TLE1: variants seen among roughly 807,000 people sequenced by gnomAD.
TLE1 encodes the protein TLE family member 1, transcriptional corepressor, also known as transducin-like enhancer protein 1.
TLE1 carries 21 observed loss-of-function variants against 89.8 expected under a neutral mutation model. The ratio of observed to expected loss-of-function variants is 0.23; its 90% CI spans 0.17 to 0.34. TLE1 has a LOEUF of 0.34. Among genes scored for constraint, TLE1 ranks in the 10% least tolerant of loss-of-function variants. The pLI, the probability that TLE1 is intolerant of heterozygous loss-of-function variation, is 1.00. For missense variants in TLE1, 795 were observed against 1,031.2 expected, an observed-to-expected ratio of 0.77 and a Z score of 3.14; for synonymous variants, 447 against 407.6, an observed-to-expected ratio of 1.10 and a Z score of -1.16.
chr9:81,611,877 G>C lies in TLE1; in HGVS notation c.1146C>G (p.Gly382=). The part of the protein sequence containing the change: ...FGMVPHAGMN[G]ELTSPGAAYA... ...AGGCAGCGCCTGGGCTGGTCAGCTCGCCGTTCATGCCAGCGTGGGGGACCA... is the reference window on the plus strand; with the variant it reads ...AGGCAGCGCCTGGGCTGGTCAGCTCCCCGTTCATGCCAGCGTGGGGGACCA... Residue 382 remains glycine, a synonymous_variant, in exon 13 of 20, where the codon GGC becomes GGG. Transcript: ENST00000376499. 1 of 1,550,534 alleles carries C rather than the reference G, an allele frequency of 6.4e-7. No homozygotes were observed. The highest frequency in any genetic ancestry group is 8.7e-7 in the Non-Finnish European group (1 of 1,151,562).
chr9:81,687,856 C>G (rs1267850135), intron 1 of TLE1, among the ~76,000 whole-genome samples: 1 of 152,158 alleles, frequency 6.6e-6, no homozygotes, highest in East Asian at 2.0e-4. Context: ...TCCAGACGCA[C>G]CGGAACCGGG....
At chr9:81,671,384 T>G (rs1280996296) in intron 4 of TLE1, among the ~76,000 whole-genome samples, 2 of 151,928 alleles carry the variant, frequency 1.3e-5, no homozygotes, top group Non-Finnish European at 2.9e-5. Context: ...TGGTGGCTCA[T>G]ACCTGTAATC....
chr9:81,597,128 A>G (rs768369088), intron 14 of TLE1, among the ~76,000 whole-genome samples: 2 of 152,118 alleles, frequency 1.3e-5, no homozygotes, highest in African/African-American at 4.8e-5. Context: ...CTGTTTCGTG[A>G]TCCATAAGAT....
chr9:81,602,201 G>A (rs1339860811), intron 14 of TLE1, among the ~76,000 whole-genome samples: 1 of 152,160 alleles, frequency 6.6e-6, no homozygotes, highest in East Asian at 1.9e-4. Context: ...TCAGGGAACA[G>A]AGGCTCATCC....
At chr9:81,681,541 T>G (rs1833630105) in intron 4 of TLE1, among the ~76,000 whole-genome samples, 1 of 147,820 alleles carries the variant, frequency 6.8e-6, no homozygotes, top group African/African-American at 2.5e-5. Context: ...CGGAACGAGA[T>G]TCCGTCGCGC....
chr9:81,648,385 T>C (rs537982466), intron 6 of TLE1, among the ~76,000 whole-genome samples: 2 of 151,304 alleles, frequency 1.3e-5, no homozygotes, highest in African/African-American at 4.9e-5. Flanking sequence ...GTAAGAATAA[T>C]GGAATTCACT....
At chr9:81,683,737 T>C (rs1213594360) in intron 4 of TLE1, among the ~76,000 whole-genome samples, 1 of 152,170 alleles carries the variant, frequency 6.6e-6, no homozygotes, top group African/African-American at 2.4e-5. Flanking sequence ...CTCTCAGCTT[T>C]TCACGTTTTT....
intron 11 of TLE1, among the ~76,000 whole-genome samples, chr9:81,615,699 T>G (rs1239587695): frequency 7.7e-6 from 1 of 129,160 alleles, no homozygotes; most frequent in Admixed American, 8.8e-5. Flanking sequence ...GATGATGGAG[T>G]GAGACTCCGT....
chr9:81,631,828 C>T (rs183013490), intron 8 of TLE1, among the ~76,000 whole-genome samples: 1 of 152,348 alleles, frequency 6.6e-6, no homozygotes. Context: ...TCTCACCGGG[C>T]ATGGTGGCTC....
chr9:81,630,933 T>C (rs906016272), intron 8 of TLE1, among the ~76,000 whole-genome samples: 1 of 152,244 alleles, frequency 6.6e-6, no homozygotes, highest in Non-Finnish European at 1.5e-5. Flanking sequence ...CTGAATTAAA[T>C]GCTTAGGTTA....
intron 2 of TLE1, among the ~76,000 whole-genome samples, chr9:81,687,031 G>A (rs539509606): frequency 1.5e-4 from 23 of 152,276 alleles, no homozygotes; most frequent in African/African-American, 7.2e-5. Flanking sequence ...TCAGTCTGCT[G>A]AAAAATAAAT....
chr9:81,638,904 C>T (rs1238153964), intron 6 of TLE1, among the ~76,000 whole-genome samples: 2 of 151,440 alleles, frequency 1.3e-5, no homozygotes, highest in Non-Finnish European at 2.9e-5. Context: ...AGATTACAAG[C>T]GTGCGCCACC....
intron 14 of TLE1, among the ~76,000 whole-genome samples, chr9:81,593,883 C>A (rs1252349065): frequency 1.3e-5 from 2 of 152,134 alleles, no homozygotes; most frequent in Non-Finnish European, 2.9e-5. Flanking sequence ...ATCTTCCTTG[C>A]CTACCTTGGT....
chr9:81,680,167 T>C (rs1418167101), intron 4 of TLE1, among the ~76,000 whole-genome samples: 2 of 152,148 alleles, frequency 1.3e-5, no homozygotes, highest in Admixed American at 6.6e-5. Flanking sequence ...TAACCCTCAT[T>C]ATACAGAGAG....
intron 14 of TLE1, among the ~76,000 whole-genome samples, chr9:81,609,031 AAAC>A (rs1172563282): frequency 3.9e-5 from 6 of 152,086 alleles, no homozygotes; most frequent in East Asian, 1.9e-4. Context: ...AAAAGAAAAA[AAAC>A]AACATTTGCA....
intron 14 of TLE1, among the ~76,000 whole-genome samples, chr9:81,608,430 C>T (rs922443754): frequency 1.3e-5 from 2 of 152,142 alleles, no homozygotes; most frequent in African/African-American, 4.8e-5. Flanking sequence ...AGGAGGATGG[C>T]TGGAGCCTAG....
At chr9:81,639,655 T>C (rs2132444203) in intron 6 of TLE1, among the ~76,000 whole-genome samples, 1 of 146,956 alleles carries the variant, frequency 6.8e-6, no homozygotes, top group Admixed American at 7.0e-5. Context: ...CAATCTCGGC[T>C]CACTGCAACC....
intron 14 of TLE1, among the ~76,000 whole-genome samples, chr9:81,594,279 C>A (rs2131854323): frequency 6.6e-6 from 1 of 152,224 alleles, no homozygotes; most frequent in South Asian, 2.1e-4. Flanking sequence ...TGGAACCAAC[C>A]CAAATGCCCA....
intron 6 of TLE1, among the ~76,000 whole-genome samples, chr9:81,636,570 G>A (rs1827390956): frequency 6.6e-6 from 1 of 152,056 alleles, no homozygotes; most frequent in Admixed American, 6.6e-5. Flanking sequence ...ACTACAGGGT[G>A]GAGGATGCCA....
Sources: allele counts gnomAD v4.1 joint callset (sites outside exome capture counted in the v4.1 genomes callset), GRCh38; gene constraint gnomAD v4.1.1; transcripts MANE v1.5; gene names NCBI Gene and HGNC (gene_info 2026-07-23, HGNC 2026-07-21).